Variants in HIPK2 observed in about 807,000 individuals in gnomAD.
HIPK2 encodes homeodomain interacting protein kinase 2.
HIPK2 carries 27 observed loss-of-function variants against 113.7 expected under a neutral mutation model. The ratio of observed to expected loss-of-function variants is 0.24; its 90% CI spans 0.17 to 0.33. The LOEUF (loss-of-function observed/expected upper bound fraction) is 0.33, where lower values mean the gene tolerates loss of function less well. Among genes scored for constraint, HIPK2 ranks in the 10% least tolerant of loss-of-function variants. HIPK2 has a pLI of 1.00. For missense variants in HIPK2, 1,257 were observed against 1,588.0 expected (o/e 0.79, Z 3.54); for synonymous variants, 631 against 642.2 (o/e 0.98, Z 0.26).
chr7:139,604,253 A>G, intron 9 of HIPK2, 30 bp from the exon 10 acceptor site: 1 of 1,578,188 alleles, frequency 6.3e-7, no homozygotes, highest in East Asian at 2.3e-5. Context: ...TGCAATGACC[A>G]TGTTTGCTAA....
At chr7:139,727,532 C>T (rs917915462) in intron 1 of HIPK2, among the ~76,000 whole-genome samples, 9 of 152,248 alleles carry the variant, frequency 5.9e-5, no homozygotes, top group African/African-American at 2.2e-4. Flanking sequence ...CTTTTCCTAA[C>T]ATTTGCAAAT....
In HIPK2 at chr7:139,562,064, A is replaced by G. The variant is rs887607768; in HGVS notation, c.*10863T>C. The stretch of plus-strand genomic sequence containing the variant: ...CATACCTATAATATGAGACTAAGGA[A>G]TAGGTTACATATAGGTCTACAACAC... On this transcript the variant is annotated 3_prime_UTR_variant, in exon 15 of 15. Coordinates refer to ENST00000406875, the MANE Select transcript of HIPK2 (RefSeq NM_022740.5). 6.6e-6 allele frequency: 1 copy of G among 152,216 alleles called. No individual in the cohort carries two copies. Among genetic ancestry groups the G allele is most frequent in the African/African-American group, 2.4e-5 (1 of 41,460 alleles). The allele number at this position is 152,216 out of a possible 1,614,324, so 9.4% of individuals were successfully genotyped here. A position where few individuals can be genotyped will look rare whatever the true frequency, so the allele number is the denominator to read the frequency against.
intron 2 of HIPK2, among the ~76,000 whole-genome samples, chr7:139,667,948 T>G (rs1029359952): frequency 6.6e-6 from 1 of 151,468 alleles, no homozygotes; most frequent in Non-Finnish European, 1.5e-5. Flanking sequence ...ACCAATATGA[T>G]GAAACCCTGT....
rs10247266 is a variant in HIPK2 at position 139,666,140 on chromosome 7, G to A, written c.1104-34415C>T. 8.0e-3 allele frequency among the ~76,000 whole-genome samples: 1,219 copies of A among 152,220 alleles called. 22 individuals are homozygous for A. Among genetic ancestry groups the A allele is most frequent in the African/African-American group, 0.028 (1,166 of 41,526 alleles). On this transcript the variant is annotated intron_variant, in intron 2 of 14. Coordinates refer to ENST00000406875, the MANE Select transcript of HIPK2 (RefSeq NM_022740.5). ...GGGATGACATGGTAGCCTGTTTCGG[G>A]AGACTGCCATTGTCAAAATAATTCA...
rs1384252091 is a variant in HIPK2 at position 139,707,734 on chromosome 7, T to C, written c.1103+8198A>G. On this transcript the variant is annotated intron_variant, in intron 2 of 14. Transcript: ENST00000406875. ...GGCACATCTTCGGAATTCAAAAAAT[T>C]ACCTGTTGGATGCATACATGAGAGT... Among the ~76,000 whole-genome samples, 8 of 152,288 alleles carry C rather than the reference T, an allele frequency of 5.3e-5. No individual in the cohort carries two copies. The East Asian group carries it at 9.6e-4, about 18-fold the overall frequency.
intron 1 of HIPK2, among the ~76,000 whole-genome samples, chr7:139,751,576 ATGGT>A: frequency 6.8e-6 from 1 of 147,664 alleles, no homozygotes; most frequent in East Asian, 2.0e-4. Flanking sequence ...GGATGGATGG[ATGGT>A]TGGATGGATA....
At position 139,716,705 on chromosome 7, in the gene HIPK2, T is replaced by C; in HGVS notation, c.330A>G (p.Gly110=). 2 of 1,613,888 alleles carry C rather than the reference T, an allele frequency of 1.2e-6. No homozygotes were observed. Among genetic ancestry groups the C allele is most frequent in the Non-Finnish European group, 1.7e-6 (2 of 1,179,862 alleles). The stretch of plus-strand genomic sequence containing the variant: ...TGCTTCGACGCATTAGGTTGTGTGG[T>C]CCGCCGAGGACTTGCCCGGTGACAG... The part of the protein sequence containing the change: ...STSVTGQVLG[G]PHNLMRRSTV... Residue 110 remains glycine, a synonymous_variant, in exon 2 of 15, where the codon GGA becomes GGG. Transcript: ENST00000406875. The surrounding 1 kb of genome is among the most constrained non-coding windows in gnomAD (Gnocchi z 9.3).
intron 2 of HIPK2, among the ~76,000 whole-genome samples, chr7:139,680,767 G>A (rs941276175): frequency 6.6e-6 from 1 of 152,142 alleles, no homozygotes; most frequent in South Asian, 2.1e-4. Context: ...AGCCCACTGG[G>A]ATTTTTTTGC....
chr7:139,576,312 G>T (rs1448917206), intron 13 of HIPK2, among the ~76,000 whole-genome samples: 11 of 152,240 alleles, frequency 7.2e-5, no homozygotes, highest in Non-Finnish European at 1.5e-4. Flanking sequence ...ATGGTCAGCA[G>T]GTGGCTCCAT....
At chr7:139,585,834 GAA>G (rs1329062705) in intron 12 of HIPK2, among the ~76,000 whole-genome samples, 1 of 152,126 alleles carries the variant, frequency 6.6e-6, no homozygotes, top group Admixed American at 6.6e-5. Context: ...GGACTTGCTG[GAA>G]AAGTTTCCTT....
rs58496205 is a variant in HIPK2 at position 139,654,867 on chromosome 7, A to G, written c.1104-23142T>C. Among the ~76,000 whole-genome samples, 1,085 of 152,298 alleles carry G rather than the reference A, an allele frequency of 7.1e-3. 8 individuals are homozygous for G. The highest frequency in any genetic ancestry group is 0.025 in the African/African-American group (1,020 of 41,570). Reference sequence around the variant, plus strand: ...TTTATTTTTGGGAACAGTTTAAATCAAGAGAAAAGCTATTAATAAGTTAAA... The same window carrying G: ...TTTATTTTTGGGAACAGTTTAAATCGAGAGAAAAGCTATTAATAAGTTAAA... On this transcript the variant is annotated intron_variant, in intron 2 of 14. Coordinates refer to ENST00000406875, the MANE Select transcript of HIPK2 (RefSeq NM_022740.5).
chr7:139,651,751 G>T (rs1585329595), intron 2 of HIPK2, among the ~76,000 whole-genome samples: 1 of 152,214 alleles, frequency 6.6e-6, no homozygotes, highest in African/African-American at 2.4e-5. Flanking sequence ...GCAAACAGCT[G>T]CCCCAGAAGG....
At chr7:139,682,756 C>T (rs760395610) in intron 2 of HIPK2, among the ~76,000 whole-genome samples, 2 of 152,222 alleles carry the variant, frequency 1.3e-5, no homozygotes, top group East Asian at 1.9e-4. Context: ...TAAGGACCCG[C>T]GTTCCCCTTT....
chr7:139,616,682 C>T (rs1363105326), intron 7 of HIPK2, among the ~76,000 whole-genome samples: 1 of 152,236 alleles, frequency 6.6e-6, no homozygotes, highest in Non-Finnish European at 1.5e-5. Context: ...TGCTATCACA[C>T]AGTACAATAT....
At chr7:139,734,082 G>C (rs991405375) in intron 1 of HIPK2, among the ~76,000 whole-genome samples, 23 of 152,330 alleles carry the variant, frequency 1.5e-4, no homozygotes, top group Middle Eastern at 3.4e-3. Context: ...AATTAACGTG[G>C]TTTAGTGTAA....
intron 2 of HIPK2, among the ~76,000 whole-genome samples, chr7:139,712,929 C>G (rs1472148170): frequency 2.6e-5 from 4 of 152,160 alleles, no homozygotes; most frequent in Non-Finnish European, 2.9e-5. Flanking sequence ...TCATTTCAGG[C>G]AGAAGAGCCG....
chr7:139,587,675 T>C (rs574480004), intron 12 of HIPK2, among the ~76,000 whole-genome samples: 1 of 151,714 alleles, frequency 6.6e-6, no homozygotes, highest in Admixed American at 6.6e-5. Context: ...GGCCAGAAGT[T>C]TGAGAGCAGC....
intron 2 of HIPK2, among the ~76,000 whole-genome samples, chr7:139,680,420 G>C (rs1036797290): frequency 6.6e-6 from 1 of 152,204 alleles, no homozygotes; most frequent in Admixed American, 6.5e-5. Flanking sequence ...TTTTGGGATC[G>C]AACATTAAAT....
chr7:139,663,342 G>T (rs1022116099), intron 2 of HIPK2, among the ~76,000 whole-genome samples: 1 of 152,190 alleles, frequency 6.6e-6, no homozygotes, highest in Non-Finnish European at 1.5e-5. Context: ...ACTAGGAAGC[G>T]GGTTTACAGC....
Sources: allele counts gnomAD v4.1 joint callset (sites outside exome capture counted in the v4.1 genomes callset), GRCh38; gene constraint gnomAD v4.1.1; non-coding constraint Gnocchi (gnomAD v3.1); transcripts MANE v1.5; gene names NCBI Gene and HGNC (gene_info 2026-07-23, HGNC 2026-07-21).